Variants in FAM184B observed in about 807,000 individuals in gnomAD.
FAM184B encodes family with sequence similarity 184 member B, also known as protein FAM184B.
In FAM184B, 111 loss-of-function variants were observed where a neutral mutation model predicts 135.9. The observed-to-expected ratio is 0.82, with a 90% CI of 0.70 to 0.96. FAM184B has a LOEUF of 0.96. Ranked by LOEUF, FAM184B falls within the 40% of genes least tolerant of loss-of-function variation. The pLI is 0.00. For missense variants in FAM184B, 1,375 were observed against 1,323.9 expected (o/e 1.04, Z -0.60); for synonymous variants, 552 against 524.8 (o/e 1.05, Z -0.71).
rs561778873 is a variant in FAM184B, at chr4:17,684,259, A to G, written c.1596+4165T>C. Among the ~76,000 whole-genome samples, 7 of 149,420 alleles carry G rather than the reference A, an allele frequency of 4.7e-5. No homozygotes were observed. In the East Asian group the frequency reaches 1.2e-3, roughly 25 times the overall value. Reference sequence around the variant, plus strand: ...TTATTATTCATGAGAGTATCCTATCATTTATAGAAAAAACTCCATAATTAT... The same window carrying G: ...TTATTATTCATGAGAGTATCCTATCGTTTATAGAAAAAACTCCATAATTAT... On this transcript the variant is annotated intron_variant, in intron 7 of 17. Transcript: ENST00000265018.
At chr4:17,755,816 C>T (rs551173224) in intron 1 of FAM184B, among the ~76,000 whole-genome samples, 42 of 152,256 alleles carry the variant, frequency 2.8e-4, no homozygotes, top group South Asian at 1.7e-3. Context: ...GAACAGAAAA[C>T]CAAACACCAC....
At position 17,629,942 on chromosome 4, in the gene FAM184B, C is replaced by T. The variant is rs1296303569; in HGVS notation, c.*2590G>A. 1.3e-5 allele frequency: 2 copies of T among 152,148 alleles called. No individual in the cohort carries two copies. The highest frequency in any genetic ancestry group is 2.9e-5 in the Non-Finnish European group (2 of 68,030). The allele number at this position is 152,148 out of a possible 1,614,324, so 9.4% of individuals were successfully genotyped here. ...TCCTTAAATGCCTTACTTCAATACC[C>T]AAGGCATATGGCCTCAATAAAAAAT... is the stretch of plus-strand genomic sequence containing the variant. On this transcript the variant is annotated 3_prime_UTR_variant, in exon 18 of 18. Coordinates refer to ENST00000265018, the MANE Select transcript of FAM184B (RefSeq NM_015688.2).
chr4:17,651,372 C>A (rs897876996), intron 11 of FAM184B, among the ~76,000 whole-genome samples: 2 of 151,720 alleles, frequency 1.3e-5, no homozygotes, highest in Non-Finnish European at 2.9e-5. Flanking sequence ...CTCGTCTCTA[C>A]TAAAAATACA....
At chr4:17,725,986 C>T (rs1174422376) in intron 1 of FAM184B, among the ~76,000 whole-genome samples, 1 of 151,244 alleles carries the variant, frequency 6.6e-6, no homozygotes, top group Non-Finnish European at 1.5e-5. Context: ...TGCAGTGGCG[C>T]CATCTCTGCT....
intron 5 of FAM184B, among the ~76,000 whole-genome samples, chr4:17,700,053 A>G (rs909369789): frequency 1.3e-5 from 2 of 152,168 alleles, no homozygotes; most frequent in Admixed American, 6.5e-5. Flanking sequence ...ACTTTGCCAA[A>G]AGAGAGCATA....
chr4:17,738,089 A>G lies in FAM184B; in HGVS notation c.142-28445T>C, dbSNP rs1022085150. ...TCACAGGGATGAGCAGGTATCTAAG[A>G]CTGGGCTGATGATAGAACTCCATCC... On this transcript the variant is annotated intron_variant, in intron 1 of 17. Coordinates refer to ENST00000265018, the MANE Select transcript of FAM184B (RefSeq NM_015688.2). 2.0e-5 allele frequency among the ~76,000 whole-genome samples: 3 copies of G among 152,140 alleles called. No homozygotes were observed. In the South Asian group the frequency reaches 6.2e-4, roughly 31 times the overall value.
At chr4:17,712,075 C>T (rs532095614) in intron 1 of FAM184B, among the ~76,000 whole-genome samples, 1 of 152,196 alleles carries the variant, frequency 6.6e-6, no homozygotes, top group South Asian at 2.1e-4. Flanking sequence ...AGATTTTCCT[C>T]AGTCAGGTTC....
At chr4:17,754,619 T>C (rs547923395) in intron 1 of FAM184B, among the ~76,000 whole-genome samples, 36 of 150,680 alleles carry the variant, frequency 2.4e-4, no homozygotes, top group African/African-American at 7.8e-4. Flanking sequence ...AAAATTTTAC[T>C]GACACATCCT....
Position 17,664,667 on chromosome 4 carries a change from C to CAAA in FAM184B, c.1597-11_1597-9dup, listed in dbSNP as rs765130465. On this transcript the variant is annotated splice_polypyrimidine_tract_variant and intron_variant, in intron 7 of 17. Coordinates refer to ENST00000265018, the MANE Select transcript of FAM184B (RefSeq NM_015688.2). ...CAGCTTCAAGCATGGATCCTAAGGCCAAAAAAGAAAAAGAAAAAAAAAAAA... is the reference window on the plus strand; with the variant it reads ...CAGCTTCAAGCATGGATCCTAAGGCCAAAAAAAAAGAAAAAGAAAAAAAAAAAA... 7.6e-7 allele frequency: 1 copy of CAAA among 1,319,564 alleles called. No homozygotes were observed. The highest frequency in any genetic ancestry group is 2.9e-5 in the Admixed American group (1 of 34,634). The allele number at this position is 1,319,564 out of a possible 1,614,324, so 81.7% of individuals were successfully genotyped here. A position where few individuals can be genotyped will look rare whatever the true frequency, so the allele number is the denominator to read the frequency against.
At chr4:17,712,059 G>A (rs1717287320) in intron 1 of FAM184B, among the ~76,000 whole-genome samples, 2 of 152,204 alleles carry the variant, frequency 1.3e-5, no homozygotes, top group South Asian at 4.1e-4. Context: ...TCTCTGCTTT[G>A]CTATGAGATT....
intron 10 of FAM184B, among the ~76,000 whole-genome samples, chr4:17,653,299 T>C (rs1287261240): frequency 1.3e-5 from 2 of 152,176 alleles, no homozygotes; most frequent in Non-Finnish European, 2.9e-5. Flanking sequence ...AGACAGATAC[T>C]GACTCTGTGG....
intron 1 of FAM184B, among the ~76,000 whole-genome samples, chr4:17,774,761 T>G (rs965463359): frequency 6.6e-6 from 1 of 152,170 alleles, no homozygotes; most frequent in African/African-American, 2.4e-5. Context: ...GACTATAATC[T>G]CAAACTTAGG....
chr4:17,692,465 A>G (rs1716761290), intron 6 of FAM184B, among the ~76,000 whole-genome samples: 1 of 152,270 alleles, frequency 6.6e-6, no homozygotes, highest in East Asian at 1.9e-4. Flanking sequence ...CTTATCACTC[A>G]GCTAAAGAAA....
At chr4:17,751,351 C>T (rs566588128) in intron 1 of FAM184B, among the ~76,000 whole-genome samples, 2 of 150,422 alleles carry the variant, frequency 1.3e-5, no homozygotes, top group South Asian at 4.2e-4. Flanking sequence ...AAAAAGTACC[C>T]TTCTTCTTTA....
At chr4:17,706,613 C>G (rs1175080768) in intron 3 of FAM184B, among the ~76,000 whole-genome samples, 2 of 152,136 alleles carry the variant, frequency 1.3e-5, no homozygotes, top group African/African-American at 2.4e-5. Flanking sequence ...AGTTGGCTGA[C>G]CTTGAGCCAG....
rs60876270 is a variant in FAM184B, at chr4:17,696,830, G to GAATA, written c.1378-3422_1378-3419dup. ...CTTGTCTCTAAATGAATGAATGAAT[G>GAATA]AATAAATAAATAAATAAATAAATAA... On this transcript the variant is annotated intron_variant, in intron 5 of 17. Coordinates refer to ENST00000265018, the MANE Select transcript of FAM184B (RefSeq NM_015688.2). Among the ~76,000 whole-genome samples, 1,454 of 151,762 alleles carry GAATA rather than the reference G, an allele frequency of 9.6e-3. 20 individuals carry two copies. The highest frequency in any genetic ancestry group is 0.028 in the African/African-American group (1,167 of 41,208).
At chr4:17,739,742 A>G (rs1717988506) in intron 1 of FAM184B, among the ~76,000 whole-genome samples, 1 of 151,272 alleles carries the variant, frequency 6.6e-6, no homozygotes, top group African/African-American at 2.4e-5. Flanking sequence ...TTTAGTAGAG[A>G]TGGGGGTTCC....
At chr4:17,687,983 G>A (rs373873512) in intron 7 of FAM184B, among the ~76,000 whole-genome samples, 3 of 152,080 alleles carry the variant, frequency 2.0e-5, no homozygotes, top group Admixed American at 1.3e-4. Flanking sequence ...ACCCTCAAGC[G>A]GCGTCCCTGA....
At chr4:17,656,399 T>G (rs1715779577) in intron 10 of FAM184B, among the ~76,000 whole-genome samples, 1 of 145,252 alleles carries the variant, frequency 6.9e-6, no homozygotes, top group Non-Finnish European at 1.5e-5. Flanking sequence ...TCCTTTCTTC[T>G]TTCTTTTTTT....
Sources: gnomAD v4.1 joint callset for allele counts (sites outside exome capture counted in the v4.1 genomes callset) on GRCh38, gnomAD v4.1.1 for gene constraint, MANE v1.5 for transcripts, NCBI Gene and HGNC (gene_info 2026-07-23, HGNC 2026-07-21) for gene names.